ASAP1: variants seen among roughly 807,000 people sequenced by gnomAD.
The protein encoded by ASAP1 is arf-GAP with SH3 domain, ANK repeat and PH domain-containing protein 1.
A neutral mutation model predicts 145.2 loss-of-function variants in ASAP1; 43 were observed. The ratio of observed to expected loss-of-function variants is 0.30; its 90% CI spans 0.23 to 0.38. The LOEUF (loss-of-function observed/expected upper bound fraction) is 0.38, where lower values mean the gene tolerates loss of function less well. Among genes scored for constraint, ASAP1 ranks in the 10% least tolerant of loss-of-function variants. The pLI, the probability that ASAP1 is intolerant of heterozygous loss-of-function variation, is 1.00. For missense variants in ASAP1, 1,018 were observed against 1,355.3 expected (o/e 0.75, Z 3.91); for synonymous variants, 546 against 515.5 (o/e 1.06, Z -0.80).
Position 130,134,137 on chromosome 8 carries a change from CAG to C in ASAP1, c.1217+157_1217+158del, listed in dbSNP as rs764931828. Among the ~76,000 whole-genome samples the C allele has an allele frequency of 2.0e-5, 3 of 152,268 alleles. No homozygotes were observed. The South Asian group carries it at 6.2e-4, about 32-fold the overall frequency. On this transcript the variant is annotated intron_variant, in intron 15 of 29. Transcript: ENST00000518721. ...AGTAGACAAGAGGGAGAACCACAGACAGAGAGAAGAGCAACATGTGATGGCCC... is the reference window on the plus strand; with the variant it reads ...AGTAGACAAGAGGGAGAACCACAGACAGAGAAGAGCAACATGTGATGGCCC...
intron 5 of ASAP1, among the ~76,000 whole-genome samples, chr8:130,190,124 T>A (rs1407914248): frequency 1.3e-5 from 2 of 152,218 alleles, no homozygotes. Context: ...TTGTTTCCTT[T>A]GTGGTGCAGA....
chr8:130,216,034 A>C (rs187792464), intron 4 of ASAP1, among the ~76,000 whole-genome samples: 1 of 133,932 alleles, frequency 7.5e-6, no homozygotes, highest in East Asian at 2.2e-4. Context: ...AAGGAAAGGA[A>C]AAAGGAAAGG....
intron 11 of ASAP1, among the ~76,000 whole-genome samples, chr8:130,165,616 C>T (rs1249162049): frequency 6.6e-6 from 1 of 152,186 alleles, no homozygotes; most frequent in Non-Finnish European, 1.5e-5. Flanking sequence ...GCAGTCACTG[C>T]CTGAGACTGA....
chr8:130,234,129 G>T (rs1436601485), intron 4 of ASAP1, among the ~76,000 whole-genome samples: 6 of 152,096 alleles, frequency 3.9e-5, no homozygotes, highest in African/African-American at 1.4e-4. Flanking sequence ...GTTAGTAATT[G>T]CAATACAATG....
chr8:130,424,509 C>T (rs72726219), intron 1 of ASAP1, among the ~76,000 whole-genome samples: 1 of 152,250 alleles, frequency 6.6e-6, no homozygotes, highest in Admixed American at 6.5e-5. Context: ...GTAGGCTCAG[C>T]GTTTGTTTTT....
In ASAP1 at chr8:130,120,403, C is replaced by T. The variant is rs77309140; in HGVS notation, c.1608-1728G>A. On this transcript the variant is annotated intron_variant, in intron 18 of 29. Transcript: ENST00000518721. ...TGACCCTGGGTAAATCAAGTTCTCA[C>T]TGAATCTCAGTTTCTTTACCTGTAA... 1.3e-3 allele frequency among the ~76,000 whole-genome samples: 198 copies of T among 152,364 alleles called. 1 individual carries two copies. Among genetic ancestry groups the T allele is most frequent in the African/African-American group, 4.5e-3 (188 of 41,580 alleles).
intron 3 of ASAP1, among the ~76,000 whole-genome samples, chr8:130,271,867 C>T (rs1202681851): frequency 2.6e-5 from 4 of 152,042 alleles, no homozygotes; most frequent in Non-Finnish European, 4.4e-5. Flanking sequence ...CTGAGCTTTC[C>T]TCCCATTTTG....
intron 7 of ASAP1, 43 bp from the exon 8 acceptor site, chr8:130,180,923 ACT>A (rs750959555): frequency 5.2e-6 from 8 of 1,538,428 alleles, no homozygotes; most frequent in Non-Finnish European, 7.1e-6. Context: ...AAAAAAATAC[ACT>A]CATGTACAAT....
chr8:130,101,934 T>A (rs913845225), intron 24 of ASAP1, among the ~76,000 whole-genome samples: 2 of 152,022 alleles, frequency 1.3e-5, no homozygotes, highest in Non-Finnish European at 2.9e-5. Context: ...GATTTTTGTA[T>A]GTTGATTTTG....
intron 2 of ASAP1, among the ~76,000 whole-genome samples, chr8:130,367,859 G>A (rs1211072809): frequency 6.6e-6 from 1 of 152,170 alleles, no homozygotes; most frequent in East Asian, 1.9e-4. Flanking sequence ...GATTTCGCCT[G>A]CAATGTATTT....
intron 3 of ASAP1, among the ~76,000 whole-genome samples, chr8:130,246,048 T>C (rs1289976065): frequency 3.3e-5 from 5 of 152,090 alleles, no homozygotes; most frequent in Non-Finnish European, 5.9e-5. Flanking sequence ...TATGAGGGCT[T>C]ACGACCTGGA....
In ASAP1 at chr8:130,358,062, G is replaced by A. The variant is rs1826451156; in HGVS notation, c.141C>T (p.Thr47=). 1 of 1,611,012 alleles carries A rather than the reference G, an allele frequency of 6.2e-7. No homozygotes were observed. The highest frequency in any genetic ancestry group is 8.5e-7 in the Non-Finnish European group (1 of 1,179,038). Residue 47 remains threonine, a synonymous_variant, in exon 3 of 30, where the codon ACC becomes ACT. Transcript: ENST00000518721. This position sits in a 1 kb window ranked among gnomAD's most constrained non-coding sequence, Gnocchi z 4.1. ...DYNSPTTSSF[T]TRLHNCRNTV... ...TGTTCCTGCAGTTGTGCAGCCGCGTGGTGAAGCTGGACGTGGTGGGCGAGT... is the reference window on the plus strand; with the variant it reads ...TGTTCCTGCAGTTGTGCAGCCGCGTAGTGAAGCTGGACGTGGTGGGCGAGT...
At chr8:130,398,537 T>C (rs1828636301) in intron 2 of ASAP1, among the ~76,000 whole-genome samples, 2 of 152,092 alleles carry the variant, frequency 1.3e-5, no homozygotes, top group Non-Finnish European at 2.9e-5. Context: ...AAAGTATTAA[T>C]AGTAATAAGT....
At chr8:130,253,102 T>A (rs1819302902) in intron 3 of ASAP1, among the ~76,000 whole-genome samples, 1 of 152,150 alleles carries the variant, frequency 6.6e-6, no homozygotes, top group South Asian at 2.1e-4. Context: ...GTTACACAAT[T>A]TTTGTCTGAG....
intron 2 of ASAP1, among the ~76,000 whole-genome samples, chr8:130,384,147 A>C (rs2138417748): frequency 6.6e-6 from 1 of 152,302 alleles, no homozygotes; most frequent in African/African-American, 2.4e-5. Flanking sequence ...TTATAACCAA[A>C]GGAGATTATG....
intron 24 of ASAP1, among the ~76,000 whole-genome samples, chr8:130,111,362 T>C (rs1441360923): frequency 6.6e-6 from 1 of 151,228 alleles, no homozygotes; most frequent in African/African-American, 2.4e-5. Context: ...AAAAAAAAAA[T>C]TCCTCTCCAA....
chr8:130,230,894 G>A (rs538175474), intron 4 of ASAP1, among the ~76,000 whole-genome samples: 91 of 152,046 alleles, frequency 6.0e-4, no homozygotes, highest in Non-Finnish European at 1.0e-3. Context: ...ACTGAAAACC[G>A]CAGGATTAAA....
At chr8:130,433,150 C>G (rs1830195584) in intron 1 of ASAP1, among the ~76,000 whole-genome samples, 1 of 152,214 alleles carries the variant, frequency 6.6e-6, no homozygotes, top group Non-Finnish European at 1.5e-5. Context: ...GTTTGCTTTT[C>G]TAGATCAGGA....
chr8:130,395,082 C>A (rs546201983), intron 2 of ASAP1, among the ~76,000 whole-genome samples: 1 of 152,326 alleles, frequency 6.6e-6, no homozygotes, highest in East Asian at 1.9e-4. Context: ...AGGGACCACA[C>A]AAGAATGTCC....
Sources: allele counts gnomAD v4.1 joint callset (sites outside exome capture counted in the v4.1 genomes callset), GRCh38; gene constraint gnomAD v4.1.1; non-coding constraint Gnocchi (gnomAD v3.1); transcripts MANE v1.5; gene names NCBI Gene and HGNC (gene_info 2026-07-23, HGNC 2026-07-21).